The following LPP variants were observed in gnomAD, a reference collection of about 807,000 sequenced individuals.
The protein encoded by LPP is lipoma-preferred partner.
Under a neutral mutation model 60.4 loss-of-function variants are expected in LPP, and 38 were observed. The ratio of observed to expected loss-of-function variants is 0.63; its 90% confidence interval spans 0.49 to 0.83. The LOEUF is 0.83. LPP is among the 40% of genes least tolerant of loss of function. The pLI is 0.00. For synonymous variants in LPP, 328 were observed against 290.8 expected, an observed-to-expected ratio of 1.13 and a Z score of -1.30; for missense variants, 902 against 783.6, an observed-to-expected ratio of 1.15 and a Z score of -1.80.
intron 9 of LPP, among the ~76,000 whole-genome samples, chr3:188,837,381 A>ACATCAT (rs368390547): frequency 1.3e-4 from 6 of 44,704 alleles, no homozygotes; most frequent in Non-Finnish European, 2.4e-4. Context: ...TCCATCTCAA[A>ACATCAT]CATAATAATA....
chr3:188,451,821 G>A lies in LPP; in HGVS notation c.194-32771G>A, dbSNP rs115107345. ...TGTGTGCAGAGATCCACAGGCAAGAGGGAATGTGGCATCCTCGAGGGATAG... is the reference window on the plus strand; with the variant it reads ...TGTGTGCAGAGATCCACAGGCAAGAAGGAATGTGGCATCCTCGAGGGATAG... On this transcript the variant is annotated intron_variant, in intron 4 of 11. Transcript: ENST00000617246. Among the ~76,000 whole-genome samples, 1,473 of 152,268 alleles carry A rather than the reference G, an allele frequency of 9.7e-3. 12 individuals carry two copies. The highest frequency in any genetic ancestry group is 0.015 in the Non-Finnish European group (1,022 of 68,010).
At chr3:188,736,186 A>G (rs1410330583) in intron 8 of LPP, among the ~76,000 whole-genome samples, 1 of 152,216 alleles carries the variant, frequency 6.6e-6, no homozygotes, top group Non-Finnish European at 1.5e-5. Flanking sequence ...TGTGCTTTAT[A>G]ATAAAACATA....
intron 6 of LPP, among the ~76,000 whole-genome samples, chr3:188,542,942 C>T (rs564477943): frequency 6.6e-6 from 1 of 152,298 alleles, no homozygotes; most frequent in East Asian, 1.9e-4. Context: ...AGAAGATGAC[C>T]TTCACCTTGA....
intron 4 of LPP, among the ~76,000 whole-genome samples, chr3:188,418,928 T>C (rs1301331661): frequency 6.6e-6 from 1 of 152,228 alleles, no homozygotes; most frequent in Non-Finnish European, 1.5e-5. Context: ...CATTTTATTT[T>C]ATTTTTTACC....
intron 1 of LPP, among the ~76,000 whole-genome samples, chr3:188,204,326 G>A (rs569250262): frequency 6.6e-5 from 10 of 152,220 alleles, no homozygotes; most frequent in East Asian, 3.9e-4. Flanking sequence ...GGATGCTATC[G>A]TTTGTGTTGT....
intron 1 of LPP, chr3:188,178,941 A>G (rs1406879637): frequency 1.9e-5 from 5 of 259,436 alleles, no homozygotes; most frequent in African/African-American, 9.1e-5. Context: ...ACATGCAGGT[A>G]TATTAGGCCA....
At position 188,166,405 on chromosome 3, in the gene LPP, G is replaced by C. The variant is rs191666420; in HGVS notation, c.-190+12153G>C. 8.2e-4 allele frequency among the ~76,000 whole-genome samples: 125 copies of C among 152,300 alleles called. 1 individual carries two copies. Among genetic ancestry groups the C allele is most frequent in the Admixed American group, 5.5e-3 (84 of 15,304 alleles). ...AATAAATTAATGCTCACTCATGTGG[G>C]AGATATTGGTAGCTGGCTCAGCTTG... On this transcript the variant is annotated intron_variant, in intron 1 of 11. Coordinates refer to ENST00000617246, the MANE Select transcript of LPP (RefSeq NM_001375462.1).
At chr3:188,229,291 T>C (rs186280046) in intron 2 of LPP, among the ~76,000 whole-genome samples, 1 of 152,200 alleles carries the variant, frequency 6.6e-6, no homozygotes, top group Non-Finnish European at 1.5e-5. Context: ...TAATCATACC[T>C]GCTGCTCCAG....
At chr3:188,708,572 A>G (rs936214461) in intron 8 of LPP, 179 bp downstream of exon 8, 1 of 771,810 alleles carries the variant, frequency 1.3e-6, no homozygotes, top group South Asian at 1.7e-5. Flanking sequence ...ACTGCCATAG[A>G]TGTGATGTCT....
At chr3:188,413,003 C>G (rs1785249440) in intron 4 of LPP, among the ~76,000 whole-genome samples, 1 of 152,072 alleles carries the variant, frequency 6.6e-6, no homozygotes, top group Non-Finnish European at 1.5e-5. Flanking sequence ...TTATGGGAAC[C>G]AGGCAAGTTT....
At chr3:188,649,512 C>T (rs945494446) in intron 7 of LPP, among the ~76,000 whole-genome samples, 3 of 152,146 alleles carry the variant, frequency 2.0e-5, no homozygotes. Flanking sequence ...GCAGTGAAAC[C>T]CAGTCCCTTT....
At chr3:188,645,209 A>G (rs2148874149) in intron 7 of LPP, among the ~76,000 whole-genome samples, 1 of 151,032 alleles carries the variant, frequency 6.6e-6, no homozygotes, top group East Asian at 1.9e-4. Context: ...GCTCTTTCCC[A>G]TTATTTCTAA....
At chr3:188,559,089 G>A (rs1309039235) in intron 6 of LPP, among the ~76,000 whole-genome samples, 7 of 151,980 alleles carry the variant, frequency 4.6e-5, no homozygotes, top group Non-Finnish European at 7.4e-5. Flanking sequence ...CCTCTGTCTA[G>A]GCCTTAGTCT....
At chr3:188,326,492 T>C (rs1051999574) in intron 2 of LPP, among the ~76,000 whole-genome samples, 7 of 152,234 alleles carry the variant, frequency 4.6e-5, no homozygotes, top group Admixed American at 1.3e-4. Context: ...TGATTGAAGA[T>C]CCAAGTGCTG....
At chr3:188,683,904 C>G (rs557742556) in intron 7 of LPP, among the ~76,000 whole-genome samples, 2 of 152,322 alleles carry the variant, frequency 1.3e-5, no homozygotes, top group South Asian at 4.1e-4. Context: ...AATATCCCTT[C>G]AAAGACCCTC....
Position 188,580,672 on chromosome 3 carries a change from G to A in LPP, c.430-28489G>A, listed in dbSNP as rs556858418. On this transcript the variant is annotated intron_variant, in intron 6 of 11. Transcript: ENST00000617246. ...AGCAACATCAGCACCCCTTATGAATGGTTTGTTTCCCACCAAAAGTCAAAG... is the reference window on the plus strand; with the variant it reads ...AGCAACATCAGCACCCCTTATGAATAGTTTGTTTCCCACCAAAAGTCAAAG... 9.2e-5 allele frequency among the ~76,000 whole-genome samples: 14 copies of A among 152,218 alleles called. No homozygotes were observed. The South Asian group carries it at 2.9e-3, about 32-fold the overall frequency.
intron 9 of LPP, among the ~76,000 whole-genome samples, chr3:188,842,624 A>T (rs1042221170): frequency 6.6e-6 from 1 of 152,122 alleles, no homozygotes; most frequent in Non-Finnish European, 1.5e-5. Context: ...CAAATGAGCT[A>T]TAGAATTAAT....
chr3:188,261,026 T>C (rs1733436675), intron 2 of LPP, among the ~76,000 whole-genome samples: 1 of 152,184 alleles, frequency 6.6e-6, no homozygotes, highest in East Asian at 1.9e-4. Context: ...TGAGCTGAGA[T>C]AGTGTCACTG....
At chr3:188,420,123 C>A (rs1429224862) in intron 4 of LPP, among the ~76,000 whole-genome samples, 1 of 151,494 alleles carries the variant, frequency 6.6e-6, no homozygotes, top group African/African-American at 2.4e-5. Flanking sequence ...TATAAAATCC[C>A]ATATAGCTCA....
Sources: gnomAD v4.1 joint callset for allele counts (sites outside exome capture counted in the v4.1 genomes callset) on GRCh38, gnomAD v4.1.1 for gene constraint, MANE v1.5 for transcripts, NCBI Gene and HGNC (gene_info 2026-07-23, HGNC 2026-07-21) for gene names.